ZNF532: variants seen among roughly 807,000 people sequenced by gnomAD.
ZNF532 encodes the protein zinc finger protein 532.
A neutral mutation model predicts 89.3 loss-of-function variants in ZNF532; 22 were observed. The ratio of observed to expected loss-of-function variants is 0.25; its 90% CI spans 0.18 to 0.35. The LOEUF (loss-of-function observed/expected upper bound fraction) is 0.35. ZNF532 is among the 10% of genes least tolerant of loss of function. ZNF532 has a pLI of 1.00. For synonymous variants in ZNF532, 606 were observed against 649.6 expected, an observed-to-expected ratio of 0.93 and a Z score of 1.02; for missense variants, 1,132 against 1,643.4, an observed-to-expected ratio of 0.69 and a Z score of 5.38.
At chr18:58,956,916 C>T (rs2147109429) in intron 7 of ZNF532, among the ~76,000 whole-genome samples, 1 of 152,322 alleles carries the variant, frequency 6.6e-6, no homozygotes, top group Admixed American at 6.5e-5. Context: ...TTCAACCACT[C>T]TTATAACTTT....
rs565016717 is a variant in ZNF532, at chr18:58,877,843, T to C, written c.-18+12264T>C. 1.1e-3 allele frequency among the ~76,000 whole-genome samples: 164 copies of C among 152,260 alleles called. 1 individual carries two copies. The highest frequency in any genetic ancestry group is 3.9e-3 in the African/African-American group (163 of 41,554). On this transcript the variant is annotated intron_variant, in intron 2 of 9. Coordinates refer to ENST00000591808, the MANE Select transcript of ZNF532 (RefSeq NM_001375912.1). ...ATGGTCAAGGCTGTGGGGCCAGCCC[T>C]GGATTAAGGAAGTGGAACTATGGAA...
intron 2 of ZNF532, among the ~76,000 whole-genome samples, chr18:58,880,245 C>T (rs546988500): frequency 2.4e-4 from 37 of 152,270 alleles, no homozygotes; most frequent in South Asian, 1.2e-3. Context: ...GATGAGCTAA[C>T]GGGTGACTTG....
At chr18:58,939,120 A>T (rs1404008756) in intron 4 of ZNF532, among the ~76,000 whole-genome samples, 1 of 151,818 alleles carries the variant, frequency 6.6e-6, no homozygotes, top group Non-Finnish European at 1.5e-5. Context: ...GGTGGTACAC[A>T]CCTGTAATCC....
chr18:58,941,261 T>C (rs1353458244), intron 5 of ZNF532, among the ~76,000 whole-genome samples: 1 of 152,122 alleles, frequency 6.6e-6, no homozygotes, highest in Non-Finnish European at 1.5e-5. Context: ...AATGTAGCCT[T>C]TCCCCCTGGG....
chr18:58,950,957 C>CT (rs35733502), intron 6 of ZNF532, among the ~76,000 whole-genome samples: 31,186 of 146,210 alleles, frequency 0.21, 4,082 homozygotes, highest in Middle Eastern at 0.38. Context: ...TTTTCAGAGT[C>CT]TTTTTTTTTT....
intron 2 of ZNF532, among the ~76,000 whole-genome samples, chr18:58,868,887 C>A (rs191409946): frequency 5.3e-5 from 8 of 152,318 alleles, no homozygotes; most frequent in Middle Eastern, 3.4e-3. Context: ...TGTACTTACA[C>A]AAACCTAGAT....
chr18:58,912,955 C>A (rs1417372770), intron 2 of ZNF532, among the ~76,000 whole-genome samples: 3 of 152,096 alleles, frequency 2.0e-5, no homozygotes, highest in Non-Finnish European at 4.4e-5. Context: ...CCCAAACTGA[C>A]CCATGTCCCC....
At chr18:58,983,152 G>A (rs1385465162) in intron 9 of ZNF532, among the ~76,000 whole-genome samples, 1 of 152,126 alleles carries the variant, frequency 6.6e-6, no homozygotes, top group African/African-American at 2.4e-5. Flanking sequence ...TTCAGGTCAT[G>A]GCCACGTGTG....
chr18:58,930,989 G>T (rs1039369040), intron 3 of ZNF532, among the ~76,000 whole-genome samples: 3 of 152,062 alleles, frequency 2.0e-5, no homozygotes, highest in African/African-American at 7.2e-5. Flanking sequence ...GTACTTTTCG[G>T]CTTTATTTTC....
chr18:58,940,963 T>TC, intron 5 of ZNF532, among the ~76,000 whole-genome samples: 2 of 105,354 alleles, frequency 1.9e-5, no homozygotes, highest in South Asian at 3.4e-4. Flanking sequence ...CACACACTCT[T>TC]TCTCTCTCTC....
chr18:58,939,580 C>T lies in ZNF532; in HGVS notation c.2664C>T (p.His888=), dbSNP rs756078779. 38 of 1,613,762 alleles carry T rather than the reference C, an allele frequency of 2.4e-5. No individual in the cohort carries two copies. Among genetic ancestry groups the T allele is most frequent in the Non-Finnish European group, 2.8e-5 (33 of 1,179,980 alleles). The change falls in exon 5 of 10, where the codon CAC becomes CAT. Residue 888 remains histidine (H), a synonymous_variant. Transcript: ENST00000591808. ...AGTCTGCCCCAAGCACACATTCCCA[C>T]GCCTACACACAGCATCCTGGCATCA... ...AFKSAPSTHS[H]AYTQHPGIKI...
intron 3 of ZNF532, among the ~76,000 whole-genome samples, chr18:58,928,213 A>G (rs2061680331): frequency 6.6e-6 from 1 of 151,916 alleles, no homozygotes; most frequent in Non-Finnish European, 1.5e-5. Flanking sequence ...TGTTCCTCCC[A>G]CGCCTCTCAC....
intron 2 of ZNF532, chr18:58,916,772 G>A (rs1042294394): frequency 1.0e-6 from 1 of 981,230 alleles, no homozygotes; most frequent in African/African-American, 1.8e-5. Context: ...ATAGATTTGT[G>A]GTGTATATGA....
chr18:58,906,766 G>C (rs2059960236), intron 2 of ZNF532, among the ~76,000 whole-genome samples: 1 of 152,138 alleles, frequency 6.6e-6, no homozygotes, highest in Non-Finnish European at 1.5e-5. Flanking sequence ...ATTATTACTT[G>C]AAAGAGAAAT....
rs2068176518 is a variant in ZNF532, at chr18:58,984,187, C to T, written c.3627C>T (p.Gly1209=). 2 of 1,611,804 alleles carry T rather than the reference C, an allele frequency of 1.2e-6. No homozygotes were observed. Among genetic ancestry groups the T allele is most frequent in the African/African-American group, 1.3e-5 (1 of 74,822 alleles). ...CTTCCTACCAGTGCCGGGAGTGTGGCCTCTGCTACACGTCTCACGTCTCTC... is the reference window on the plus strand; with the variant it reads ...CTTCCTACCAGTGCCGGGAGTGTGGTCTCTGCTACACGTCTCACGTCTCTC... ...DGSSYQCREC[G]LCYTSHVSLS... is the part of the protein sequence containing the mutation. Residue 1209 remains glycine, a synonymous_variant, in exon 10 of 10, where the codon GGC becomes GGT. Transcript: ENST00000591808.
Position 58,916,617 on chromosome 18 carries a change from A to T in ZNF532, c.-17-1654A>T, listed in dbSNP as rs2060620028. On this transcript the variant is annotated intron_variant, in intron 2 of 9. Transcript: ENST00000591808. ...TCGGTATTAACCGAGACAGGTGTGA[A>T]TAGAAGCGGATTTATTCTTCAGCTC... 3 of 712,678 alleles carry T rather than the reference A, an allele frequency of 4.2e-6. No homozygotes were observed. The South Asian group carries it at 1.9e-4, about 46-fold the overall frequency. 44.1% of individuals were successfully genotyped at this position (712,678 alleles called of 1,614,324 possible).
At chr18:58,889,685 C>T (rs1366977265) in intron 2 of ZNF532, among the ~76,000 whole-genome samples, 1 of 151,520 alleles carries the variant, frequency 6.6e-6, no homozygotes, top group Non-Finnish European at 1.5e-5. Flanking sequence ...AGGCAGAAGA[C>T]TCTCTTGAAC....
intron 7 of ZNF532, among the ~76,000 whole-genome samples, chr18:58,957,292 C>A (rs147642654): frequency 4.6e-5 from 7 of 151,946 alleles, no homozygotes; most frequent in Non-Finnish European, 8.8e-5. Flanking sequence ...TTGGAAAGAT[C>A]CAAATTTATT....
intron 2 of ZNF532, among the ~76,000 whole-genome samples, chr18:58,914,496 A>G (rs1223204458): frequency 1.3e-5 from 2 of 152,220 alleles, no homozygotes; most frequent in Non-Finnish European, 2.9e-5. Context: ...CCTGGCCAAC[A>G]TGGTGAAACC....
Sources: gnomAD v4.1 joint callset for allele counts (sites outside exome capture counted in the v4.1 genomes callset) on GRCh38, gnomAD v4.1.1 for gene constraint, MANE v1.5 for transcripts, NCBI Gene and HGNC (gene_info 2026-07-23, HGNC 2026-07-21) for gene names.